The following MEAK7 variants were observed in gnomAD, a reference collection of about 807,000 sequenced individuals.
MEAK7 encodes MTOR associated protein MEAK7, also known as MTOR-associated protein MEAK7.
In MEAK7, 68 loss-of-function variants were observed where a neutral mutation model predicts 40.5. That is an observed-to-expected ratio of 1.68 (90% CI 1.38 to 2.06). MEAK7 has a LOEUF of 2.06. Among genes scored for constraint, MEAK7 ranks in the 30% most tolerant of loss-of-function variants. MEAK7 has a pLI of 0.00. For missense variants in MEAK7, 918 were observed against 580.5 expected, an observed-to-expected ratio of 1.58 and a Z score of -5.98; for synonymous variants, 338 against 231.9, an observed-to-expected ratio of 1.46 and a Z score of -4.16.
intron 5 of MEAK7, 147 bp downstream of exon 5, chr16:84,486,484 T>A: frequency 7.0e-7 from 1 of 1,433,258 alleles, no homozygotes; most frequent in East Asian, 2.5e-5. Flanking sequence ...TAGAGCAGCA[T>A]CACATTTTCC....
intron 2 of MEAK7, chr16:84,497,516 G>C (rs1914147845): frequency 7.7e-7 from 1 of 1,290,614 alleles, no homozygotes; most frequent in Middle Eastern, 2.1e-4. Context: ...CCCATCTCTG[G>C]GAGGGCAGTC....
rs753290778 is a variant in MEAK7, at chr16:84,486,836, G to C, written c.753C>G (p.Val251=). ...GFESILDVLS[V]MYINAQLPRE... is the part of the protein sequence containing the mutation. ...GAGGCAGCTGGGCGTTGATGTACAT[G>C]ACAGAGAGGACATCCAGGATGCTCT... The change falls in exon 5 of 8, where the codon GTC becomes GTG. Residue 251 remains valine, a synonymous_variant. Coordinates refer to ENST00000343629, the MANE Select transcript of MEAK7 (RefSeq NM_020947.4). The C allele has an allele frequency of 1.9e-6, 3 of 1,614,172 alleles. No homozygotes were observed.
chr16:84,480,047 T>C (rs1314607376), intron 7 of MEAK7, 21 bp from the exon 8 acceptor site: 2 of 1,565,736 alleles, frequency 1.3e-6, no homozygotes, highest in Admixed American at 1.8e-5. Flanking sequence ...GAAGAAAGGG[T>C]GGGTGTGTTC....
chr16:84,486,606 C>T, intron 5 of MEAK7, 25 bp downstream of exon 5: 1 of 1,569,708 alleles, frequency 6.4e-7, no homozygotes, highest in Non-Finnish European at 8.6e-7. Flanking sequence ...TGCCACTCGT[C>T]AAGGTTCAGG....
At chr16:84,499,127 A>G (rs1454982046) in intron 1 of MEAK7, among the ~76,000 whole-genome samples, 2 of 152,236 alleles carry the variant, frequency 1.3e-5, no homozygotes, top group African/African-American at 4.8e-5. Context: ...ACTGGCACCA[A>G]GAGCAGGTGA....
intron 4 of MEAK7, 60 bp downstream of exon 4, chr16:84,489,218 G>C: frequency 1.3e-6 from 2 of 1,575,342 alleles, no homozygotes; most frequent in Non-Finnish European, 1.7e-6. Context: ...TACAGTAATG[G>C]AGACAGCAGG....
chr16:84,498,572 G>C (rs1471927757), intron 1 of MEAK7, among the ~76,000 whole-genome samples: 1 of 151,992 alleles, frequency 6.6e-6, no homozygotes, highest in Non-Finnish European at 1.5e-5. Flanking sequence ...ACCGTGACTA[G>C]CTAATATTGT....
rs959435816 is a variant in MEAK7 at position 84,479,387 on chromosome 16, A to T, written c.*526T>A. 1 of 152,274 alleles carries T rather than the reference A, an allele frequency of 6.6e-6. No homozygotes were observed. The highest frequency in any genetic ancestry group is 1.5e-5 in the Non-Finnish European group (1 of 68,060). 9.4% of individuals were successfully genotyped at this position (152,274 alleles called of 1,614,324 possible). Reference sequence around the variant, plus strand: ...TCAATAGAGAAGTTGAGATCCCAGCAATGCTAATGCCAGCGGAATTCCCTA... The same window carrying T: ...TCAATAGAGAAGTTGAGATCCCAGCTATGCTAATGCCAGCGGAATTCCCTA... On this transcript the variant is annotated 3_prime_UTR_variant, in exon 8 of 8. Transcript: ENST00000343629.
At chr16:84,485,741 G>A (rs980444842) in intron 5 of MEAK7, among the ~76,000 whole-genome samples, 3 of 152,148 alleles carry the variant, frequency 2.0e-5, no homozygotes, top group South Asian at 2.1e-4. Context: ...GGAGTGCGGT[G>A]GTATGATCTC....
Position 84,493,157 on chromosome 16 carries a change from T to C in MEAK7, c.384+2526A>G, listed in dbSNP as rs150871011. Among the ~76,000 whole-genome samples the C allele has an allele frequency of 8.8e-3, 1,340 of 152,342 alleles. 10 individuals carry two copies. Among genetic ancestry groups the C allele is most frequent in the African/African-American group, 0.015 (615 of 41,580 alleles). On this transcript the variant is annotated intron_variant, in intron 3 of 7. Coordinates refer to ENST00000343629, the MANE Select transcript of MEAK7 (RefSeq NM_020947.4). ...TGTGATTCTGATGTGTCTTAGTATATGTTATCAGTAGTAATTACTATTATG... is the reference window on the plus strand; with the variant it reads ...TGTGATTCTGATGTGTCTTAGTATACGTTATCAGTAGTAATTACTATTATG...
chr16:84,492,415 C>G (rs1169074081), intron 3 of MEAK7, among the ~76,000 whole-genome samples: 1 of 151,890 alleles, frequency 6.6e-6, no homozygotes, highest in African/African-American at 2.4e-5. Context: ...CTCATACTGT[C>G]TTTATTAGGG....
At chr16:84,488,118 T>A (rs1023936008) in intron 4 of MEAK7, 1 of 152,208 alleles carries the variant, frequency 6.6e-6, no homozygotes, top group Non-Finnish European at 1.5e-5. Context: ...ATTACCTATA[T>A]ATTACTTGAA....
At chr16:84,500,271 A>G (rs1012186797) in intron 1 of MEAK7, among the ~76,000 whole-genome samples, 8 of 152,130 alleles carry the variant, frequency 5.3e-5, no homozygotes, top group African/African-American at 1.7e-4. Flanking sequence ...TGCTGCAATG[A>G]ACATCTGAGT....
At chr16:84,490,653 G>GGGGTGTGTGT (rs571630201) in intron 3 of MEAK7, among the ~76,000 whole-genome samples, 1 of 104,430 alleles carries the variant, frequency 9.6e-6, no homozygotes, top group Non-Finnish European at 2.0e-5. Flanking sequence ...AGCTAATCAA[G>GGGGTGTGTGT]ATGTGTGTGT....
At position 84,478,630 on chromosome 16, in the gene MEAK7, T is replaced by C. The variant is rs1453422491; in HGVS notation, c.*1283A>G. ...CAACCGGTGACTCACCGTGTGTTGT[T>C]TTCCAGACGTGGGCAGATGGCAGCT... On this transcript the variant is annotated 3_prime_UTR_variant, in exon 8 of 8. Transcript: ENST00000343629. 3 of 152,228 alleles carry C rather than the reference T, an allele frequency of 2.0e-5. No homozygotes were observed. Among genetic ancestry groups the C allele is most frequent in the African/African-American group, 7.2e-5 (3 of 41,436 alleles). The allele number at this position is 152,228 out of a possible 1,614,324, so 9.4% of individuals were successfully genotyped here.
intron 3 of MEAK7, 125 bp downstream of exon 3, chr16:84,495,558 A>T: frequency 1.1e-6 from 1 of 869,826 alleles, no homozygotes; most frequent in Non-Finnish European, 1.8e-6. Context: ...ACTCCGATTA[A>T]TTGAAACCCA....
intron 1 of MEAK7, among the ~76,000 whole-genome samples, chr16:84,500,188 G>C (rs1367224354): frequency 2.6e-5 from 4 of 152,126 alleles, no homozygotes; most frequent in Non-Finnish European, 5.9e-5. Flanking sequence ...TGTATGGATG[G>C]ACCACCTTTT....
chr16:84,483,644 G>T (rs1043617509), intron 5 of MEAK7, among the ~76,000 whole-genome samples: 3 of 152,218 alleles, frequency 2.0e-5, no homozygotes, highest in Non-Finnish European at 4.4e-5. Context: ...AAGCCAACAG[G>T]GCTCAGTCTG....
intron 3 of MEAK7, among the ~76,000 whole-genome samples, chr16:84,493,373 T>C (rs1030984142): frequency 1.3e-5 from 2 of 152,206 alleles, no homozygotes; most frequent in Non-Finnish European, 2.9e-5. Context: ...GATTGTGCTG[T>C]TGGAATAGAA....
Sources: gnomAD v4.1 joint callset for allele counts (sites outside exome capture counted in the v4.1 genomes callset) on GRCh38, gnomAD v4.1.1 for gene constraint, MANE v1.5 for transcripts, NCBI Gene and HGNC (gene_info 2026-07-23, HGNC 2026-07-21) for gene names.